PIBF1: variants seen among roughly 807,000 people sequenced by gnomAD.
The protein encoded by PIBF1 is progesterone immunomodulatory binding factor 1.
In PIBF1, 90 loss-of-function variants were observed where a neutral mutation model predicts 112.5. The observed-to-expected ratio is 0.80, with a 90% CI of 0.67 to 0.95. The LOEUF is 0.95. PIBF1 is among the 40% of genes least tolerant of loss of function. The pLI is 0.00. For missense variants in PIBF1, 915 were observed against 852.3 expected (o/e 1.07, Z -0.92); for synonymous variants, 301 against 288.6 (o/e 1.04, Z -0.44).
chr13:72,936,760 G>A (rs953015460), intron 14 of PIBF1, among the ~76,000 whole-genome samples: 2 of 150,660 alleles, frequency 1.3e-5, no homozygotes, highest in African/African-American at 4.9e-5. Flanking sequence ...TTAGCTGGGT[G>A]TTTTTTTTGC....
rs71099760 is a variant in PIBF1, at chr13:72,858,023, T to TTGCTTTGTGTG, written c.1322+3870_1322+3871insCTTTGTGTGTG. Among the ~76,000 whole-genome samples, 954 of 141,300 alleles carry TTGCTTTGTGTG rather than the reference T, an allele frequency of 6.8e-3. 11 individuals are homozygous for TTGCTTTGTGTG. Among genetic ancestry groups the TTGCTTTGTGTG allele is most frequent in the Middle Eastern group, 0.021 (6 of 280 alleles). The allele number at this position is 141,300 out of a possible 152,430, so 92.7% of individuals were successfully genotyped here. A position where few individuals can be genotyped will look rare whatever the true frequency, so the allele number is the denominator to read the frequency against. On this transcript the variant is annotated intron_variant, in intron 10 of 17. Transcript: ENST00000326291. ...TACCTATCAGAAGTACAAATGTACA[T>TTGCTTTGTGTG]TGTGTGTGTGTGTGTGTGTGTGTGT...
intron 9 of PIBF1, among the ~76,000 whole-genome samples, chr13:72,844,570 G>A (rs1241631711): frequency 6.6e-6 from 1 of 151,898 alleles, no homozygotes; most frequent in Non-Finnish European, 1.5e-5. Flanking sequence ...TCCCACTTAT[G>A]AGTGAGAACA....
intron 11 of PIBF1, among the ~76,000 whole-genome samples, chr13:72,894,772 AGTGTGTGT>A (rs35885902): frequency 6.0e-4 from 82 of 137,200 alleles, no homozygotes; most frequent in African/African-American, 1.9e-3. Flanking sequence ...ATATATATAT[AGTGTGTGT>A]GTGTGTGTGT....
At chr13:72,880,175 A>G (rs899820866) in intron 10 of PIBF1, among the ~76,000 whole-genome samples, 16 of 152,194 alleles carry the variant, frequency 1.1e-4, no homozygotes, top group Admixed American at 1.3e-4. Flanking sequence ...CAGGGTAGGA[A>G]AATTATGACT....
chr13:72,964,037 A>G (rs898501964), intron 14 of PIBF1, among the ~76,000 whole-genome samples: 2 of 152,346 alleles, frequency 1.3e-5, no homozygotes, highest in East Asian at 3.9e-4. Flanking sequence ...TTTGTCCACC[A>G]ATGTTCATAG....
chr13:72,993,332 AAAAAT>A (rs1420701209), intron 16 of PIBF1, among the ~76,000 whole-genome samples: 1 of 139,758 alleles, frequency 7.2e-6, no homozygotes, highest in African/African-American at 2.5e-5. Flanking sequence ...TCCAGAAAAT[AAAAAT>A]AAAAATAAAA....
chr13:72,820,312 A>G (rs976740748), intron 5 of PIBF1, among the ~76,000 whole-genome samples: 2 of 152,238 alleles, frequency 1.3e-5, no homozygotes, highest in Middle Eastern at 3.4e-3. Context: ...CAGTGACATG[A>G]TTAATGATGT....
chr13:72,998,880 G>A lies in PIBF1; in HGVS notation c.2108G>A (p.Ser703Asn). 1.2e-6 allele frequency: 2 copies of A among 1,611,792 alleles called. No individual in the cohort carries two copies. The highest frequency in any genetic ancestry group is 1.7e-6 in the Non-Finnish European group (2 of 1,178,266). ...ATGCATAGTAAACATTCTGAGAACAGCTTACTTCTCACTAAAACAGAACCA... is the reference window on the plus strand; with the variant it reads ...ATGCATAGTAAACATTCTGAGAACAACTTACTTCTCACTAAAACAGAACCA... ...VKMHSKHSEN[S>N]LLLTKTEPKH... The change falls in exon 17 of 18, where the codon AGC becomes AAC. Residue 703 changes from serine (S) to asparagine (N), a missense_variant. Physicochemically the swap from Ser to Asn is conservative, Grantham distance 46. Coordinates refer to ENST00000326291, the MANE Select transcript of PIBF1 (RefSeq NM_006346.4).
rs144640680 is a variant in PIBF1, at chr13:72,827,797, A to C, written c.980A>C (p.Asn327Thr). 33 of 1,604,506 alleles carry C rather than the reference A, an allele frequency of 2.1e-5. 1 individual carries two copies. The African/African-American group carries it at 3.7e-4, about 18-fold the overall frequency. ...QKDKEYLNRQ[N>T]MELSVRCAHE... ...GATAAAGAATATCTTAATCGCCAAA[A>C]CATGGAGCTTAGTGTTCGCTGTGCT... Residue 327 changes from asparagine to threonine, a missense_variant, in exon 8 of 18, where the codon AAC (asparagine) becomes ACC (threonine). Asn to Thr is a moderately conservative substitution (Grantham distance 65, BLOSUM62 0). Transcript: ENST00000326291.
intron 17 of PIBF1, among the ~76,000 whole-genome samples, chr13:73,007,318 A>T (rs1170154560): frequency 6.9e-6 from 1 of 145,954 alleles, no homozygotes; most frequent in Non-Finnish European, 1.5e-5. Context: ...TTTTTTTGAG[A>T]TGGAGTCTCA....
chr13:73,011,376 C>T (rs1386122020), intron 17 of PIBF1, among the ~76,000 whole-genome samples: 1 of 152,154 alleles, frequency 6.6e-6, no homozygotes, highest in African/African-American at 2.4e-5. Flanking sequence ...AGAAGCTTGA[C>T]CTAGTTCTTA....
intron 10 of PIBF1, among the ~76,000 whole-genome samples, chr13:72,892,596 C>T (rs1033304120): frequency 6.6e-6 from 1 of 151,966 alleles, no homozygotes; most frequent in Non-Finnish European, 1.5e-5. Context: ...GCAGTGTGTT[C>T]CTATTAAAGA....
intron 2 of PIBF1, among the ~76,000 whole-genome samples, chr13:72,790,382 C>T (rs2034833800): frequency 6.8e-6 from 1 of 147,772 alleles, no homozygotes; most frequent in Non-Finnish European, 1.5e-5. Context: ...CTTATAGATT[C>T]CTAAATGTAA....
intron 13 of PIBF1, among the ~76,000 whole-genome samples, chr13:72,920,792 C>T (rs1457061157): frequency 6.6e-6 from 1 of 151,680 alleles, no homozygotes; most frequent in Non-Finnish European, 1.5e-5. Flanking sequence ...AGAGAGACTC[C>T]CATCTCTCAA....
chr13:72,865,396 T>C (rs2038882638), intron 10 of PIBF1, among the ~76,000 whole-genome samples: 1 of 152,180 alleles, frequency 6.6e-6, no homozygotes, highest in South Asian at 2.1e-4. Context: ...TAGCAATTTA[T>C]ATAGAGAATT....
At chr13:72,986,227 C>G (rs755170671) in intron 16 of PIBF1, among the ~76,000 whole-genome samples, 1 of 152,064 alleles carries the variant, frequency 6.6e-6, no homozygotes, top group Non-Finnish European at 1.5e-5. Context: ...AACTAGACAG[C>G]AGCCAGATGA....
intron 11 of PIBF1, chr13:72,900,996 T>G (rs2040461974): frequency 2.5e-6 from 1 of 400,990 alleles, no homozygotes; most frequent in Admixed American, 3.0e-5. Context: ...CGCTGCACCC[T>G]GGGCAACCAG....
intron 13 of PIBF1, among the ~76,000 whole-genome samples, chr13:72,919,041 A>G (rs759812306): frequency 4.6e-5 from 7 of 151,804 alleles, no homozygotes; most frequent in East Asian, 3.9e-4. Flanking sequence ...CACTTTCTCT[A>G]TCTAACTCAG....
At chr13:72,853,849 G>A (rs540827558) in intron 9 of PIBF1, among the ~76,000 whole-genome samples, 3 of 152,244 alleles carry the variant, frequency 2.0e-5, no homozygotes, top group South Asian at 4.1e-4. Context: ...GAGAAGGGTG[G>A]TGTGACATAG....
Sources: gnomAD v4.1 joint callset for allele counts (sites outside exome capture counted in the v4.1 genomes callset) on GRCh38, gnomAD v4.1.1 for gene constraint, MANE v1.5 for transcripts, NCBI Gene and HGNC (gene_info 2026-07-23, HGNC 2026-07-21) for gene names.